The following ARNT2 variants were observed in gnomAD, a reference collection of about 807,000 sequenced individuals.
ARNT2 encodes the protein ARNT protein 2.
Under a neutral mutation model 91.7 loss-of-function variants are expected in ARNT2, and 36 were observed. That is an observed-to-expected ratio of 0.39 (90% CI 0.30 to 0.52). The LOEUF (loss-of-function observed/expected upper bound fraction) is 0.52. ARNT2 is among the 20% of genes least tolerant of loss of function. The pLI, the probability that ARNT2 is intolerant of heterozygous loss-of-function variation, is 0.72. For missense variants in ARNT2, 775 were observed against 939.3 expected (o/e 0.83, Z 2.29); for synonymous variants, 365 against 347.1 (o/e 1.05, Z -0.57).
At chr15:80,422,991 C>T (rs979976770) in intron 1 of ARNT2, among the ~76,000 whole-genome samples, 12 of 152,082 alleles carry the variant, frequency 7.9e-5, no homozygotes, top group African/African-American at 2.4e-4. Context: ...TCCTAACTTA[C>T]GTATCATACT....
intron 2 of ARNT2, among the ~76,000 whole-genome samples, chr15:80,453,992 A>G (rs1459981100): frequency 1.3e-5 from 2 of 152,106 alleles, no homozygotes; most frequent in Non-Finnish European, 2.9e-5. Flanking sequence ...TGCAGTTGGG[A>G]TCCTCCAGGC....
chr15:80,435,543 C>T (rs1302076491), intron 1 of ARNT2, among the ~76,000 whole-genome samples: 3 of 151,836 alleles, frequency 2.0e-5, no homozygotes, highest in Non-Finnish European at 2.9e-5. Flanking sequence ...CAAACAGCTG[C>T]CCCCCTCCCA....
rs960059910 is a variant in ARNT2, at chr15:80,597,865, G to A, written c.*4167G>A. The A allele has an allele frequency of 5.2e-5, 8 of 152,776 alleles. No individual in the cohort carries two copies. Among genetic ancestry groups the A allele is most frequent in the African/African-American group, 9.6e-5 (4 of 41,472 alleles). 9.5% of individuals were successfully genotyped at this position (152,776 alleles called of 1,614,324 possible). A position where few individuals can be genotyped will look rare whatever the true frequency, so the allele number is the denominator to read the frequency against. On this transcript the variant is annotated 3_prime_UTR_variant, in exon 19 of 19. Coordinates refer to ENST00000303329, the MANE Select transcript of ARNT2 (RefSeq NM_014862.4). ...GACTAACAGTTATTAAGTCGGTTGT[G>A]TATATGTGTAACTAATGTAACTGCC...
intron 12 of ARNT2, among the ~76,000 whole-genome samples, chr15:80,563,532 C>G (rs766344567): frequency 6.6e-5 from 10 of 152,232 alleles, no homozygotes; most frequent in Non-Finnish European, 1.2e-4. Context: ...TCCCCCTGAG[C>G]ATGGACCTCA....
chr15:80,465,473 C>T (rs187020331), intron 3 of ARNT2, among the ~76,000 whole-genome samples: 15 of 152,252 alleles, frequency 9.9e-5, no homozygotes. Context: ...GAAATGTGGT[C>T]CTGGTGCCAT....
intron 6 of ARNT2, among the ~76,000 whole-genome samples, chr15:80,509,592 G>A (rs1178704879): frequency 6.6e-6 from 1 of 152,128 alleles, no homozygotes; most frequent in African/African-American, 2.4e-5. Context: ...GTGCTATGGA[G>A]GAAACATAAA....
At chr15:80,426,329 T>G (rs1266453383) in intron 1 of ARNT2, among the ~76,000 whole-genome samples, 1 of 152,236 alleles carries the variant, frequency 6.6e-6, no homozygotes, top group Non-Finnish European at 1.5e-5. Flanking sequence ...TAAATGTGGA[T>G]TGCTGGTAGC....
chr15:80,426,587 G>A (rs559558544), intron 1 of ARNT2, among the ~76,000 whole-genome samples: 1 of 152,196 alleles, frequency 6.6e-6, no homozygotes, highest in Non-Finnish European at 1.5e-5. Flanking sequence ...GGCCGTGATT[G>A]TTTGTTACTG....
At chr15:80,455,974 C>T (rs1896475941) in intron 2 of ARNT2, among the ~76,000 whole-genome samples, 2 of 152,072 alleles carry the variant, frequency 1.3e-5, no homozygotes, top group South Asian at 2.1e-4. Context: ...ATCGCTCTTC[C>T]CCATGGTGAA....
At chr15:80,525,582 T>G (rs1424098123) in intron 8 of ARNT2, among the ~76,000 whole-genome samples, 1 of 151,810 alleles carries the variant, frequency 6.6e-6, no homozygotes, top group Non-Finnish European at 1.5e-5. Flanking sequence ...AAAAGGGAAT[T>G]TTTTGCCTAG....
intron 15 of ARNT2, among the ~76,000 whole-genome samples, chr15:80,578,435 C>T (rs1898724962): frequency 1.3e-5 from 2 of 151,854 alleles, no homozygotes; most frequent in Admixed American, 1.3e-4. Context: ...AACGGCCTCA[C>T]ACAGGCTCTG....
chr15:80,555,282 C>T (rs1447931149), intron 11 of ARNT2, 143 bp downstream of exon 11: 14 of 736,954 alleles, frequency 1.9e-5, no homozygotes, highest in Non-Finnish European at 3.2e-5. Context: ...GCTAGGAAGT[C>T]ACTCACAGTC....
At chr15:80,560,722 C>T (rs1282709371) in intron 11 of ARNT2, among the ~76,000 whole-genome samples, 1 of 152,224 alleles carries the variant, frequency 6.6e-6, no homozygotes, top group Non-Finnish European at 1.5e-5. Context: ...AGAGAAGTCC[C>T]TCTTGGTTGC....
Position 80,576,936 on chromosome 15 carries a change from T to TC in ARNT2, c.1587dup (p.Ser530LeufsTer20). The TC allele has an allele frequency of 1.2e-6, 2 of 1,614,036 alleles. No homozygotes were observed. Among genetic ancestry groups the TC allele is most frequent in the Non-Finnish European group, 1.7e-6 (2 of 1,180,034 alleles). On this transcript the variant is annotated frameshift_variant, in exon 15 of 19. Coordinates refer to ENST00000303329, the MANE Select transcript of ARNT2 (RefSeq NM_014862.4). LOFTEE classifies it high-confidence loss of function. ...AGATCTACTCCCAAGGAAGCCCATT[T>TC]CCCTCTGGACACTCCGGGAAGGCCT...
intron 8 of ARNT2, among the ~76,000 whole-genome samples, chr15:80,519,458 A>G (rs578131380): frequency 8.3e-4 from 127 of 152,330 alleles, no homozygotes; most frequent in Non-Finnish European, 1.4e-3. Context: ...CATCTGGCTC[A>G]GTGACAAGCC....
intron 15 of ARNT2, chr15:80,580,175 T>C (rs1898764593): frequency 1.9e-6 from 1 of 535,696 alleles, no homozygotes; most frequent in East Asian, 3.3e-5. Context: ...GGAGAGGAAG[T>C]ACCAGACTAC....
rs1255002023 is a variant in ARNT2 at position 80,404,466 on chromosome 15, C to A, written c.-50C>A. 3 of 1,188,076 alleles carry A rather than the reference C, an allele frequency of 2.5e-6. No homozygotes were observed. Among genetic ancestry groups the A allele is most frequent in the Non-Finnish European group, 3.2e-6 (3 of 940,730 alleles). 73.6% of individuals were successfully genotyped at this position (1,188,076 alleles called of 1,614,324 possible). On this transcript the variant is annotated 5_prime_UTR_variant, in exon 1 of 19. Transcript: ENST00000303329. The surrounding 1 kb of genome is among the most constrained non-coding windows in gnomAD (Gnocchi z 5.5). Reference sequence around the variant, plus strand: ...CCGGGGCTGAGCGCCGGGCTCCGCGCCGCCCCTCCCGCGCCCCTGCCAAGC... The same window carrying A: ...CCGGGGCTGAGCGCCGGGCTCCGCGACGCCCCTCCCGCGCCCCTGCCAAGC...
chr15:80,522,760 C>CATAT (rs60138286), intron 8 of ARNT2, among the ~76,000 whole-genome samples: 4,705 of 144,410 alleles, frequency 0.033, 93 homozygotes, highest in African/African-American at 0.057. Context: ...TGTACATACA[C>CATAT]ATATATATAT....
chr15:80,468,155 T>A (rs1896684175), intron 3 of ARNT2, among the ~76,000 whole-genome samples: 1 of 152,082 alleles, frequency 6.6e-6, no homozygotes, highest in Admixed American at 6.5e-5. Flanking sequence ...ACCAACGGCA[T>A]TTGTGCCGTG....
Sources: gnomAD v4.1 joint callset for allele counts (sites outside exome capture counted in the v4.1 genomes callset) on GRCh38, gnomAD v4.1.1 for gene constraint, Gnocchi (gnomAD v3.1) non-coding constraint, MANE v1.5 for transcripts, NCBI Gene and HGNC (gene_info 2026-07-23, HGNC 2026-07-21) for gene names.